Variants in PRKACB observed in about 807,000 individuals in gnomAD.
The protein encoded by PRKACB is cAMP-dependent protein kinase catalytic subunit beta.
A neutral mutation model predicts 51.4 loss-of-function variants in PRKACB; 16 were observed. The ratio of observed to expected loss-of-function variants is 0.31; its 90% confidence interval spans 0.21 to 0.47. The LOEUF is 0.47. Among genes scored for constraint, PRKACB ranks in the 20% least tolerant of loss-of-function variants. The probability of loss-of-function intolerance (pLI) is 1.00; values close to 1 mark genes in which losing one functional copy is unlikely to be tolerated. For missense variants in PRKACB, 309 were observed against 464.5 expected (o/e 0.67, Z 3.08); for synonymous variants, 147 against 154.4 (o/e 0.95, Z 0.35).
chr1:84,078,214 C>T, exon 1 of PRKACB: 1 of 1,235,658 alleles, frequency 8.1e-7, no homozygotes, highest in Non-Finnish European at 1.1e-6. Flanking sequence ...GCGCTAGGCG[C>T]ACTCACCGCT....
intron 1 of PRKACB, among the ~76,000 whole-genome samples, chr1:84,120,429 C>T (rs1323656117): frequency 1.3e-5 from 2 of 151,852 alleles, no homozygotes; most frequent in African/African-American, 2.4e-5. Context: ...CATGAAAATG[C>T]GTATCAGCAG....
At chr1:84,187,695 CA>C (rs1355398810) in intron 5 of PRKACB, among the ~76,000 whole-genome samples, 2 of 152,132 alleles carry the variant, frequency 1.3e-5, no homozygotes, top group East Asian at 3.9e-4. Context: ...TAACAAGACT[CA>C]AAAATAATGT....
At chr1:84,094,222 A>T (rs1403669840) in intron 1 of PRKACB, among the ~76,000 whole-genome samples, 2 of 151,954 alleles carry the variant, frequency 1.3e-5, no homozygotes, top group Non-Finnish European at 2.9e-5. Flanking sequence ...AATTTTTAAG[A>T]TATCCTGTTA....
intron 9 of PRKACB, among the ~76,000 whole-genome samples, chr1:84,228,486 G>A (rs1033294972): frequency 1.3e-5 from 2 of 150,906 alleles, no homozygotes; most frequent in Non-Finnish European, 2.9e-5. Flanking sequence ...GTAATTGTTT[G>A]TAAATTCTAT....
At chr1:84,181,349 A>G (rs978096182) in intron 2 of PRKACB, among the ~76,000 whole-genome samples, 2 of 151,962 alleles carry the variant, frequency 1.3e-5, no homozygotes, top group African/African-American at 2.4e-5. Flanking sequence ...TATTAAACAA[A>G]TGGGTCAGCA....
At chr1:84,164,584 G>C in intron 1 of PRKACB, 2 of 1,372,780 alleles carry the variant, frequency 1.5e-6, no homozygotes, top group Non-Finnish European at 1.9e-6. Flanking sequence ...GAAAAGCTAC[G>C]CCTTGGATAC....
chr1:84,200,134 A>G (rs1669656587), intron 7 of PRKACB, among the ~76,000 whole-genome samples: 1 of 146,152 alleles, frequency 6.8e-6, no homozygotes, highest in African/African-American at 2.4e-5. Flanking sequence ...GGGGTGAGCC[A>G]CTATGCCCTT....
At chr1:84,091,293 A>G (rs1159879098) in intron 1 of PRKACB, among the ~76,000 whole-genome samples, 2 of 152,206 alleles carry the variant, frequency 1.3e-5, no homozygotes, top group Non-Finnish European at 2.9e-5. Flanking sequence ...AGAATATAAC[A>G]TGTTTGAATG....
At chr1:84,138,433 T>C (rs1226805152) in intron 1 of PRKACB, among the ~76,000 whole-genome samples, 1 of 152,190 alleles carries the variant, frequency 6.6e-6, no homozygotes, top group Non-Finnish European at 1.5e-5. Context: ...AAATAGACCA[T>C]TTCTTGAAAG....
chr1:84,205,240 A>G, intron 8 of PRKACB: 4 of 984,822 alleles, frequency 4.1e-6, no homozygotes, highest in Non-Finnish European at 3.6e-6. Flanking sequence ...GCTCTGTATT[A>G]TGTGAAGTTA....
chr1:84,219,196 A>G (rs1007418942), intron 9 of PRKACB, among the ~76,000 whole-genome samples: 10 of 149,448 alleles, frequency 6.7e-5, no homozygotes, highest in African/African-American at 1.7e-4. Context: ...TTCAGGACTT[A>G]GCCATAAAAT....
intron 1 of PRKACB, among the ~76,000 whole-genome samples, chr1:84,110,937 G>A (rs1565823): frequency 0.42 from 63,824 of 151,670 alleles, 15,335 homozygotes; most frequent in Non-Finnish European, 0.56. Flanking sequence ...ACCTCTCCTT[G>A]TTGACTGAGT....
chr1:84,202,565 T>C, intron 7 of PRKACB, 118 bp from the exon 8 acceptor site: 1 of 967,868 alleles, frequency 1.0e-6, no homozygotes, highest in Non-Finnish European at 1.5e-6. Context: ...GAATAGCTGC[T>C]CAGCAATTGC....
At chr1:84,083,314 C>T (rs565554408) in intron 1 of PRKACB, among the ~76,000 whole-genome samples, 90 of 152,170 alleles carry the variant, frequency 5.9e-4, no homozygotes, top group Non-Finnish European at 1.1e-3. Context: ...ATGATCTCAT[C>T]GAGTTCCATG....
intron 2 of PRKACB, 135 bp downstream of exon 2, chr1:84,179,373 T>A: frequency 9.3e-7 from 1 of 1,077,010 alleles, no homozygotes; most frequent in Non-Finnish European, 1.2e-6. Context: ...AAATGGGAAT[T>A]TTGCCATAGT....
intron 1 of PRKACB, among the ~76,000 whole-genome samples, chr1:84,167,944 C>T (rs951429231): frequency 6.6e-6 from 1 of 151,522 alleles, no homozygotes; most frequent in Admixed American, 6.6e-5. Flanking sequence ...AGAGCCTTCA[C>T]TTTCTAAATG....
At chr1:84,134,975 T>C (rs1056659585) in intron 1 of PRKACB, among the ~76,000 whole-genome samples, 1 of 152,228 alleles carries the variant, frequency 6.6e-6, no homozygotes, top group East Asian at 1.9e-4. Context: ...TATTTTACTT[T>C]CATCTTTTCT....
At chr1:84,205,936 C>A (rs1389368210) in intron 8 of PRKACB, among the ~76,000 whole-genome samples, 2 of 152,244 alleles carry the variant, frequency 1.3e-5, no homozygotes, top group East Asian at 3.9e-4. Context: ...CCTAACAATA[C>A]ATATGCTGAG....
intron 4 of PRKACB, 83 bp downstream of exon 4, chr1:84,184,218 T>A (rs1339113668): frequency 8.4e-7 from 1 of 1,186,474 alleles, no homozygotes; most frequent in East Asian, 2.6e-5. Flanking sequence ...CTAAACCAGA[T>A]GATAAGCCTG....
Sources: gnomAD v4.1 joint callset for allele counts (sites outside exome capture counted in the v4.1 genomes callset) on GRCh38, gnomAD v4.1.1 for gene constraint, MANE v1.5 for transcripts, NCBI Gene and HGNC (gene_info 2026-07-23, HGNC 2026-07-21) for gene names.